Variants in GRID2IP observed in about 807,000 individuals in gnomAD.
The protein encoded by GRID2IP is delphilin.
A neutral mutation model predicts 114.3 loss-of-function variants in GRID2IP; 78 were observed. The observed-to-expected ratio is 0.68, with a 90% CI of 0.57 to 0.82. The LOEUF is 0.82. Ranked by LOEUF, GRID2IP falls within the 40% of genes least tolerant of loss-of-function variation. GRID2IP has a pLI of 0.00. For missense variants in GRID2IP, 1,727 were observed against 1,678.5 expected (o/e 1.03, Z -0.51); for synonymous variants, 809 against 724.0 (o/e 1.12, Z -1.89).
Position 6,519,519 on chromosome 7 carries a change from A to G in GRID2IP, c.1268+1059T>C, listed in dbSNP as rs913420815. 6.6e-6 allele frequency among the ~76,000 whole-genome samples: 1 copy of G among 152,114 alleles called. No individual in the cohort carries two copies. Among genetic ancestry groups the G allele is most frequent in the Non-Finnish European group, 1.5e-5 (1 of 68,016 alleles). Reference sequence around the variant, plus strand: ...ATGCCTGTAATCCCAGCACTTTGGGAGGCTGAAGCAGGTGGATCACCTGAG... The same window carrying G: ...ATGCCTGTAATCCCAGCACTTTGGGGGGCTGAAGCAGGTGGATCACCTGAG... On this transcript the variant is annotated intron_variant, in intron 7 of 21. Transcript: ENST00000457091. This position sits in a 1 kb window ranked among gnomAD's most constrained non-coding sequence, Gnocchi z 4.1.
At chr7:6,539,607 A>G in intron 2 of GRID2IP, 111 bp downstream of exon 2, 3 of 1,016,482 alleles carry the variant, frequency 3.0e-6, no homozygotes, top group South Asian at 1.7e-5. Flanking sequence ...GCAGGCTACC[A>G]TCTATTATCT....
chr7:6,526,847 TCG>T lies in GRID2IP; in HGVS notation c.585-80_585-79del. The T allele has an allele frequency of 7.3e-7, 1 of 1,375,834 alleles. No individual in the cohort carries two copies. The highest frequency in any genetic ancestry group is 9.4e-7 in the Non-Finnish European group (1 of 1,062,300). The allele number at this position is 1,375,834 out of a possible 1,614,324, so 85.2% of individuals were successfully genotyped here. A position where few individuals can be genotyped will look rare whatever the true frequency, so the allele number is the denominator to read the frequency against. ...CAAACCGCGGCCCGAAGGCGCGTCC[TCG>T]CGGGCGCCGCCCTAGGCTCTCCCAC... On this transcript the variant is annotated intron_variant, in intron 2 of 21. Coordinates refer to ENST00000457091, the MANE Select transcript of GRID2IP (RefSeq NM_001145118.2). This position sits in a 1 kb window ranked among gnomAD's most constrained non-coding sequence, Gnocchi z 7.6.
chr7:6,517,081 G>C (rs369420973), intron 7 of GRID2IP, among the ~76,000 whole-genome samples: 1 of 148,696 alleles, frequency 6.7e-6, no homozygotes, highest in African/African-American at 2.5e-5. Context: ...TTTTGAGACA[G>C]TCTGGCTCTG....
rs2115359084 is a variant in GRID2IP, at chr7:6,506,636, AG to A, written c.2545-730del. ...CAAGGCTGGCAGGAGTGAGGTCTCCAGGGGACCCAGGAGGTCCTTATTTGTG... is the reference window on the plus strand; with the variant it reads ...CAAGGCTGGCAGGAGTGAGGTCTCCAGGGACCCAGGAGGTCCTTATTTGTG... On this transcript the variant is annotated intron_variant, in intron 13 of 21. Transcript: ENST00000457091. The surrounding 1 kb of genome is among the most constrained non-coding windows in gnomAD (Gnocchi z 5.2). Among the ~76,000 whole-genome samples, 1 of 149,960 alleles carries A rather than the reference AG, an allele frequency of 6.7e-6. No homozygotes were observed. Among genetic ancestry groups the A allele is most frequent in the South Asian group, 2.1e-4 (1 of 4,754 alleles).
intron 8 of GRID2IP, among the ~76,000 whole-genome samples, chr7:6,514,156 C>T (rs981004346): frequency 6.6e-6 from 1 of 151,248 alleles, no homozygotes; most frequent in Non-Finnish European, 1.5e-5. Context: ...GGGAGGCTGA[C>T]GCAGGAGAAT....
In GRID2IP at chr7:6,510,909, G is replaced by A. The variant is rs61732373; in HGVS notation, c.1554C>T (p.Cys518=). The part of the protein sequence containing the change: ...RSQGLEAGLS[C]GPSECPEMPL... ...CCCTCCCCCTGACACCAGCCTTACC[G>A]CAGCTGAGGCCGGCCTCCAGGCCCT... Residue 518 remains cysteine, a splice_region_variant and synonymous_variant, in exon 9 of 22, where the codon TGC becomes TGT. Coordinates refer to ENST00000457091, the MANE Select transcript of GRID2IP (RefSeq NM_001145118.2). The A allele has an allele frequency of 0.034, 52,661 of 1,549,596 alleles. 1,033 individuals are homozygous for A. The highest frequency in any genetic ancestry group is 0.039 in the Non-Finnish European group (44,546 of 1,145,916).
rs1323266738 is a variant in GRID2IP at position 6,514,463 on chromosome 7, C to T, written c.1335G>A (p.Trp445Ter). The T allele has an allele frequency of 6.5e-7, 1 of 1,549,896 alleles. No homozygotes were observed. ...VLDTPAKQVL[W>*]QFIYQLLTYE... ...AGGTCAGCAGCTGGTAGATGAACTG[C>T]CACAGGACCTGCTTGGCAGGGGTGT... is the stretch of plus-strand genomic sequence containing the variant. The change falls in exon 8 of 22, where the codon TGG (tryptophan) becomes TGA (stop). Residue 445 changes from tryptophan (W) to a stop codon, truncating the protein, a stop_gained. Transcript: ENST00000457091. LOFTEE classifies it high-confidence loss of function.
At chr7:6,499,146 C>T (rs1434440514) in intron 20 of GRID2IP, among the ~76,000 whole-genome samples, 1 of 152,180 alleles carries the variant, frequency 6.6e-6, no homozygotes, top group Non-Finnish European at 1.5e-5. Flanking sequence ...CTCTATTTTA[C>T]ATGTGAACAA....
In GRID2IP at chr7:6,508,374, A is replaced by G. The variant is rs1456808579; in HGVS notation, c.2155T>C (p.Phe719Leu). ...EMSFHDDQGS[F>L]VTNERSSASD... ...GCGCTGCTCCGCTCATTGGTTACGA[A>G]GCTGCCCTGGTCATCATGGAAGCTC... Residue 719 changes from phenylalanine to leucine, a missense_variant, in exon 13 of 22, where the codon TTC becomes CTC. Physicochemically the swap from Phe to Leu is conservative, Grantham distance 22. Transcript: ENST00000457091. This position sits in a 1 kb window ranked among gnomAD's most constrained non-coding sequence, Gnocchi z 5.6. The G allele has an allele frequency of 2.6e-6, 4 of 1,551,368 alleles. No homozygotes were observed. Among genetic ancestry groups the G allele is most frequent in the South Asian group, 1.2e-5 (1 of 84,058 alleles).
Position 6,551,347 on chromosome 7 carries a change from C to T in GRID2IP, c.90G>A (p.Leu30=), listed in dbSNP as rs1460570308. ...GCGCGCTGCTCCCCTTGGCCACCTCCAGGACGAAGCAGGGGCCAGAGCCAC... is the reference window on the plus strand; with the variant it reads ...GCGCGCTGCTCCCCTTGGCCACCTCTAGGACGAAGCAGGGGCCAGAGCCAC... The part of the protein sequence containing the change: ...RLGGSGPCFV[L]EVAKGSSAHA... The change falls in exon 1 of 22, where the codon CTG becomes CTA. Residue 30 remains leucine (L), a synonymous_variant. Coordinates refer to ENST00000457091, the MANE Select transcript of GRID2IP (RefSeq NM_001145118.2). 6.5e-7 allele frequency: 1 copy of T among 1,548,816 alleles called. No homozygotes were observed. Among genetic ancestry groups the T allele is most frequent in the Non-Finnish European group, 8.7e-7 (1 of 1,146,670 alleles).
intron 14 of GRID2IP, among the ~76,000 whole-genome samples, chr7:6,505,588 C>CA (rs1362932862): frequency 6.6e-6 from 1 of 152,122 alleles, no homozygotes; most frequent in Non-Finnish European, 1.5e-5. Context: ...AGGCTGGTCT[C>CA]GAACCCCTGA....
Position 6,519,178 on chromosome 7 carries a change from A to G in GRID2IP, c.1268+1400T>C, listed in dbSNP as rs1260204552. ...GCGATCCTCCTGCCTCAGCCTCCCAAAGTGCTGGGATTATAGGTGTCTGGC... is the reference window on the plus strand; with the variant it reads ...GCGATCCTCCTGCCTCAGCCTCCCAGAGTGCTGGGATTATAGGTGTCTGGC... On this transcript the variant is annotated intron_variant, in intron 7 of 21. Coordinates refer to ENST00000457091, the MANE Select transcript of GRID2IP (RefSeq NM_001145118.2). The surrounding 1 kb of genome is among the most constrained non-coding windows in gnomAD (Gnocchi z 4.1). Among the ~76,000 whole-genome samples the G allele has an allele frequency of 6.6e-6, 1 of 152,070 alleles. No homozygotes were observed. The highest frequency in any genetic ancestry group is 1.5e-5 in the Non-Finnish European group (1 of 68,006).
rs753547824 is a variant in GRID2IP at position 6,523,776 on chromosome 7, G to A, written c.920-1819C>T. Among the ~76,000 whole-genome samples, 3 of 151,872 alleles carry A rather than the reference G, an allele frequency of 2.0e-5. No homozygotes were observed. Among genetic ancestry groups the A allele is most frequent in the South Asian group, 4.2e-4 (2 of 4,790 alleles). On this transcript the variant is annotated intron_variant, in intron 4 of 21. Transcript: ENST00000457091. The surrounding 1 kb of genome is among the most constrained non-coding windows in gnomAD (Gnocchi z 4.5). ...TGGGCTCAAGTGATCTTCCTGCCTCGGCCTCCCAAAGTGCTGGGATTACAA... is the reference window on the plus strand; with the variant it reads ...TGGGCTCAAGTGATCTTCCTGCCTCAGCCTCCCAAAGTGCTGGGATTACAA...
rs563083201 is a variant in GRID2IP, at chr7:6,520,326, T to C, written c.1268+252A>G. Among the ~76,000 whole-genome samples the C allele has an allele frequency of 1.5e-4, 23 of 151,530 alleles. No homozygotes were observed. The South Asian group carries it at 4.6e-3, about 30-fold the overall frequency. On this transcript the variant is annotated intron_variant, in intron 7 of 21. Coordinates refer to ENST00000457091, the MANE Select transcript of GRID2IP (RefSeq NM_001145118.2). The surrounding 1 kb of genome is among the most constrained non-coding windows in gnomAD (Gnocchi z 4.6). Reference sequence around the variant, plus strand: ...AATAGAATGTTGCAGGTGGTTCCTGTCTGCCTCACTTCACAGAGAAGGCTG... The same window carrying C: ...AATAGAATGTTGCAGGTGGTTCCTGCCTGCCTCACTTCACAGAGAAGGCTG...
rs556280997 is a variant in GRID2IP at position 6,532,693 on chromosome 7, C to T, written c.585-5924G>A. ...CTGTCGTCTGTGGGGCCCCAGCCAT[C>T]CCATTATGATTGGAGCCATTCCTGG... On this transcript the variant is annotated intron_variant, in intron 2 of 21. Coordinates refer to ENST00000457091, the MANE Select transcript of GRID2IP (RefSeq NM_001145118.2). The surrounding 1 kb of genome is among the most constrained non-coding windows in gnomAD (Gnocchi z 4.4). Among the ~76,000 whole-genome samples the T allele has an allele frequency of 3.0e-4, 45 of 152,206 alleles. No individual in the cohort carries two copies. Among genetic ancestry groups the T allele is most frequent in the African/African-American group, 1.1e-3 (44 of 41,456 alleles).
At chr7:6,499,946 G>C (rs1296461569) in intron 20 of GRID2IP, among the ~76,000 whole-genome samples, 1 of 151,450 alleles carries the variant, frequency 6.6e-6, no homozygotes, top group Non-Finnish European at 1.5e-5. Flanking sequence ...GCCCAGGCTG[G>C]TCTCAAACTC....
chr7:6,523,224 C>T lies in GRID2IP; in HGVS notation c.920-1267G>A, dbSNP rs778269695. Reference sequence around the variant, plus strand: ...AAGTTCTCTCTGGGGGAAGTGGAAACTGTCCAGAGAAGAGAGGGAACAATT... The same window carrying T: ...AAGTTCTCTCTGGGGGAAGTGGAAATTGTCCAGAGAAGAGAGGGAACAATT... On this transcript the variant is annotated intron_variant, in intron 4 of 21. Coordinates refer to ENST00000457091, the MANE Select transcript of GRID2IP (RefSeq NM_001145118.2). This position sits in a 1 kb window ranked among gnomAD's most constrained non-coding sequence, Gnocchi z 4.5. Among the ~76,000 whole-genome samples, 2 of 152,206 alleles carry T rather than the reference C, an allele frequency of 1.3e-5. No individual in the cohort carries two copies. The highest frequency in any genetic ancestry group is 2.9e-5 in the Non-Finnish European group (2 of 68,044).
rs1465181858 is a variant in GRID2IP at position 6,505,874 on chromosome 7, C to T, written c.2578G>A (p.Asp860Asn). ...TCCAGGTCGAGGTATTTCACCATGT[C>T]ACTCAGCTTATCGTAGTCAGAGTCT... is the stretch of plus-strand genomic sequence containing the variant. The part of the protein sequence containing the change: ...GEDSDYDKLS[D>N]MVKYLDLELH... Residue 860 changes from aspartate (D) to asparagine (N), a missense_variant, in exon 14 of 22, where the codon GAC becomes AAC. Asp to Asn is a conservative substitution (Grantham distance 23). Coordinates refer to ENST00000457091, the MANE Select transcript of GRID2IP (RefSeq NM_001145118.2). 6 of 1,552,068 alleles carry T rather than the reference C, an allele frequency of 3.9e-6. No individual in the cohort carries two copies. The highest frequency in any genetic ancestry group is 5.2e-6 in the Non-Finnish European group (6 of 1,147,012).
In GRID2IP at chr7:6,535,091, G is replaced by C. The variant is rs1321931845; in HGVS notation, c.584+4627C>G. On this transcript the variant is annotated intron_variant, in intron 2 of 21. Coordinates refer to ENST00000457091, the MANE Select transcript of GRID2IP (RefSeq NM_001145118.2). ...GTAGTGACAGGGTTTCTCCATGTTGGTCAGGCTGGTCTCAAACTCCGGACC... is the reference window on the plus strand; with the variant it reads ...GTAGTGACAGGGTTTCTCCATGTTGCTCAGGCTGGTCTCAAACTCCGGACC... Among the ~76,000 whole-genome samples the C allele has an allele frequency of 1.2e-4, 18 of 152,266 alleles. No individual in the cohort carries two copies. The East Asian group carries it at 3.3e-3, about 28-fold the overall frequency.
Sources: gnomAD v4.1 joint callset for allele counts (sites outside exome capture counted in the v4.1 genomes callset) on GRCh38, gnomAD v4.1.1 for gene constraint, Gnocchi (gnomAD v3.1) non-coding constraint, MANE v1.5 for transcripts, NCBI Gene and HGNC (gene_info 2026-07-23, HGNC 2026-07-21) for gene names.